Variants in SCAF8 observed in about 807,000 individuals in gnomAD.
SCAF8 encodes SR-related CTD associated factor 8.
A neutral mutation model predicts 140.5 loss-of-function variants in SCAF8; 23 were observed. The ratio of observed to expected loss-of-function variants is 0.16; its 90% CI spans 0.12 to 0.23. The LOEUF is 0.23. SCAF8 is among the 10% of genes least tolerant of loss of function. The pLI, the probability that SCAF8 is intolerant of heterozygous loss-of-function variation, is 1.00. For synonymous variants in SCAF8, 575 were observed against 528.9 expected, an observed-to-expected ratio of 1.09 and a Z score of -1.20; for missense variants, 1,397 against 1,555.7, an observed-to-expected ratio of 0.90 and a Z score of 1.72.
Position 154,786,602 on chromosome 6 carries a change from G to A in SCAF8, c.160-1259G>A, listed in dbSNP as rs77694276. On this transcript the variant is annotated intron_variant, in intron 3 of 19. Transcript: ENST00000367178. ...CTAAATTCCCTCCCAAGGTTAGTTC[G>A]GCCCAGGCCCAGGAATGACAAGGAC... is the stretch of plus-strand genomic sequence containing the variant. 5.7e-3 allele frequency among the ~76,000 whole-genome samples: 875 copies of A among 152,282 alleles called. 3 individuals carry two copies. Among genetic ancestry groups the A allele is most frequent in the Middle Eastern group, 0.014 (4 of 294 alleles).
At chr6:154,758,444 G>T (rs1377911310) in intron 1 of SCAF8, among the ~76,000 whole-genome samples, 5 of 152,100 alleles carry the variant, frequency 3.3e-5, no homozygotes, top group Non-Finnish European at 7.3e-5. Flanking sequence ...ATTGGGCAGT[G>T]GTTTACATGG....
intron 1 of SCAF8, among the ~76,000 whole-genome samples, chr6:154,751,231 A>AT (rs879266123): frequency 0.027 from 3,851 of 142,888 alleles, 46 homozygotes; most frequent in Middle Eastern, 0.066. Context: ...TAAAAACCAC[A>AT]TTTTTTTTTT....
intron 19 of SCAF8, 22 bp from the exon 20 acceptor site, chr6:154,831,917 T>A: frequency 6.4e-7 from 1 of 1,558,178 alleles, no homozygotes; most frequent in Admixed American, 2.0e-5. Flanking sequence ...TTTGAGTTTT[T>A]TCTCTCTCTC....
chr6:154,810,269 C>T, intron 12 of SCAF8, 61 bp downstream of exon 12: 4 of 1,262,666 alleles, frequency 3.2e-6, no homozygotes, highest in Non-Finnish European at 4.3e-6. Flanking sequence ...TAGTTATCTG[C>T]TACAAAGTCT....
intron 3 of SCAF8, among the ~76,000 whole-genome samples, chr6:154,779,352 C>T (rs1386363430): frequency 1.3e-5 from 2 of 152,040 alleles, no homozygotes. Flanking sequence ...GTTTTAATGT[C>T]TTACACTATG....
At chr6:154,795,855 T>A (rs1777585932) in intron 6 of SCAF8, among the ~76,000 whole-genome samples, 1 of 152,216 alleles carries the variant, frequency 6.6e-6, no homozygotes, top group Admixed American at 6.5e-5. Flanking sequence ...ATACTTTTAT[T>A]GTTCAAATCT....
chr6:154,790,834 CTCTG>C (rs1206808287), intron 4 of SCAF8, among the ~76,000 whole-genome samples: 2 of 151,896 alleles, frequency 1.3e-5, no homozygotes, highest in Non-Finnish European at 2.9e-5. Flanking sequence ...TGATTTTAGC[CTCTG>C]TCTTTTTTTT....
intron 9 of SCAF8, among the ~76,000 whole-genome samples, chr6:154,806,079 A>G (rs1196056692): frequency 6.6e-6 from 1 of 152,180 alleles, no homozygotes; most frequent in Non-Finnish European, 1.5e-5. Context: ...GTGTACAGCT[A>G]GTGTTATATA....
intron 1 of SCAF8, among the ~76,000 whole-genome samples, chr6:154,743,380 C>T (rs1037013251): frequency 1.3e-5 from 2 of 152,184 alleles, no homozygotes; most frequent in East Asian, 1.9e-4. Flanking sequence ...AGAATGTTTT[C>T]TTTTGTCCGT....
chr6:154,808,299 A>C, intron 10 of SCAF8, 98 bp downstream of exon 10: 1 of 1,193,090 alleles, frequency 8.4e-7, no homozygotes, highest in Non-Finnish European at 1.2e-6. Flanking sequence ...TATTTTTCCC[A>C]CACTTAAGCT....
intron 12 of SCAF8, among the ~76,000 whole-genome samples, chr6:154,815,399 T>C (rs184891047): frequency 6.6e-6 from 1 of 152,322 alleles, no homozygotes; most frequent in East Asian, 1.9e-4. Flanking sequence ...ATTTTACAAC[T>C]CTCAGTTCCT....
intron 1 of SCAF8, among the ~76,000 whole-genome samples, chr6:154,758,587 A>G (rs536320036): frequency 1.3e-5 from 2 of 152,270 alleles, no homozygotes; most frequent in East Asian, 3.9e-4. Context: ...TAGGATTCCC[A>G]TTCATTCTCC....
At chr6:154,740,293 C>T (rs571330718) in intron 1 of SCAF8, among the ~76,000 whole-genome samples, 58 of 152,268 alleles carry the variant, frequency 3.8e-4, no homozygotes, top group African/African-American at 1.4e-3. Flanking sequence ...TACAGCATCC[C>T]TGGCCTCTAT....
chr6:154,750,110 T>TG (rs1301130315), intron 1 of SCAF8, among the ~76,000 whole-genome samples: 1 of 137,906 alleles, frequency 7.3e-6, no homozygotes, highest in Non-Finnish European at 1.6e-5. Context: ...AATGATAATT[T>TG]GGGGGGGATA....
chr6:154,750,294 A>T (rs974191535), intron 1 of SCAF8, among the ~76,000 whole-genome samples: 1 of 152,226 alleles, frequency 6.6e-6, no homozygotes, highest in Non-Finnish European at 1.5e-5. Context: ...ATCAAGGTGG[A>T]GATACCTAAC....
At chr6:154,777,558 A>G (rs1424202609) in intron 2 of SCAF8, among the ~76,000 whole-genome samples, 1 of 152,206 alleles carries the variant, frequency 6.6e-6, no homozygotes, top group East Asian at 1.9e-4. Context: ...ACATACATTT[A>G]TTAATGTTAT....
At chr6:154,826,793 T>A (rs1757294155) in intron 17 of SCAF8, among the ~76,000 whole-genome samples, 1 of 152,216 alleles carries the variant, frequency 6.6e-6, no homozygotes, top group South Asian at 2.1e-4. Flanking sequence ...CATAATATAG[T>A]GTTATCCAGA....
At chr6:154,809,523 C>T (rs1186448178) in intron 11 of SCAF8, among the ~76,000 whole-genome samples, 2 of 152,140 alleles carry the variant, frequency 1.3e-5, no homozygotes, top group Non-Finnish European at 2.9e-5. Flanking sequence ...TTAGCAGCAT[C>T]TTACTAAGCA....
chr6:154,780,282 A>G (rs1214203823), intron 3 of SCAF8, among the ~76,000 whole-genome samples: 1 of 151,550 alleles, frequency 6.6e-6, no homozygotes, highest in African/African-American at 2.4e-5. Context: ...GCCTTTTGAG[A>G]TTGACTTATT....
Sources: gnomAD v4.1 joint callset for allele counts (sites outside exome capture counted in the v4.1 genomes callset) on GRCh38, gnomAD v4.1.1 for gene constraint, MANE v1.5 for transcripts, NCBI Gene and HGNC (gene_info 2026-07-23, HGNC 2026-07-21) for gene names.